Variants in CLEC2A observed in about 807,000 individuals in gnomAD.
CLEC2A encodes the protein keratinocyte-associated C-type lectin.
A neutral mutation model predicts 18.6 loss-of-function variants in CLEC2A; 19 were observed. The observed-to-expected ratio is 1.02, with a 90% confidence interval of 0.71 to 1.50. The LOEUF (loss-of-function observed/expected upper bound fraction) is 1.50. Among genes scored for constraint, CLEC2A ranks in the 40% most tolerant of loss-of-function variants. The pLI is 0.00. For synonymous variants in CLEC2A, 74 were observed against 64.0 expected (o/e 1.16, Z -0.75); for missense variants, 190 against 207.9 (o/e 0.91, Z 0.53).
intron 3 of CLEC2A, among the ~76,000 whole-genome samples, 179 bp downstream of exon 3, chr12:9,921,887 G>T (rs561349879): frequency 6.6e-6 from 1 of 152,204 alleles, no homozygotes; most frequent in Admixed American, 6.5e-5. Context: ...GAAGAGGAGG[G>T]TTTGCTCTTG....
intron 4 of CLEC2A, among the ~76,000 whole-genome samples, chr12:9,905,504 A>G (rs1862894295): frequency 6.6e-6 from 1 of 152,212 alleles, no homozygotes; most frequent in Non-Finnish European, 1.5e-5. Context: ...TGGAGTGTAA[A>G]TAAGGCAACC....
intron 1 of CLEC2A, among the ~76,000 whole-genome samples, chr12:9,930,117 C>T (rs532211542): frequency 1.3e-4 from 20 of 152,206 alleles, no homozygotes; most frequent in African/African-American, 4.8e-4. Flanking sequence ...CCTTGTGAGG[C>T]CTGTAAGGAA....
chr12:9,895,982 T>C, downstream of CLEC2A: 1 of 697,256 alleles, frequency 1.4e-6, no homozygotes, highest in East Asian at 3.3e-5. Context: ...GAATTGACTA[T>C]AAAGACAACT....
Position 9,913,394 on chromosome 12 carries a change from G to T in CLEC2A, c.*172C>A. 1 of 1,198,884 alleles carries T rather than the reference G, an allele frequency of 8.3e-7. No individual in the cohort carries two copies. The highest frequency in any genetic ancestry group is 1.1e-6 in the Non-Finnish European group (1 of 900,992). The allele number at this position is 1,198,884 out of a possible 1,614,324, so 74.3% of individuals were successfully genotyped here. A position where few individuals can be genotyped will look rare whatever the true frequency, so the allele number is the denominator to read the frequency against. ...ATAAAAGGCTCCAGAGAACGGCCTT[G>T]TCTCTTTAACCATGGCAGGGCACAG... On this transcript the variant is annotated 3_prime_UTR_variant, in exon 5 of 5. Transcript: ENST00000455827.
intron 4 of CLEC2A, among the ~76,000 whole-genome samples, chr12:9,904,027 G>A (rs539086590): frequency 5.1e-4 from 77 of 152,304 alleles, no homozygotes; most frequent in Admixed American, 4.6e-4. Flanking sequence ...GCAATGGTCC[G>A]TCACAATACT....
chr12:9,882,375 T>A, the CLEC2A span, among the ~76,000 whole-genome samples: 1 of 152,230 alleles, frequency 6.6e-6, no homozygotes, highest in Non-Finnish European at 1.5e-5. Context: ...CTTTTGTTAT[T>A]ATCTGAAGAC....
At chr12:9,898,818 G>C in exon 5 of CLEC2A, 2 of 661,244 alleles carry the variant, frequency 3.0e-6, no homozygotes, top group Admixed American at 4.3e-5. Context: ...GTTATATTAA[G>C]GATAAGGATG....
chr12:9,927,828 A>C (rs114269620), intron 1 of CLEC2A, among the ~76,000 whole-genome samples: 1,713 of 152,244 alleles, frequency 0.011, 43 homozygotes, highest in African/African-American at 0.039. Flanking sequence ...GAAAACATAA[A>C]ATGTGTTTTT....
intron 4 of CLEC2A, among the ~76,000 whole-genome samples, chr12:9,900,358 GAATTT>G (rs1329691489): frequency 6.6e-6 from 1 of 152,036 alleles, no homozygotes; most frequent in Non-Finnish European, 1.5e-5. Context: ...AGTGATCTTA[GAATTT>G]AATAACAAAT....
chr12:9,883,293 A>G, the CLEC2A span, among the ~76,000 whole-genome samples: 4 of 152,208 alleles, frequency 2.6e-5, no homozygotes, highest in Non-Finnish European at 4.4e-5. Flanking sequence ...AAATAATACA[A>G]TTAGTGTTCT....
At chr12:9,893,523 A>G in the CLEC2A span, 3 of 1,480,108 alleles carry the variant, frequency 2.0e-6, no homozygotes, top group Non-Finnish European at 2.7e-6. Flanking sequence ...ATAGATGAAC[A>G]CTTTTTAGTT....
chr12:9,907,054 C>T (rs774548691), intron 4 of CLEC2A, among the ~76,000 whole-genome samples: 1 of 152,194 alleles, frequency 6.6e-6, no homozygotes, highest in African/African-American at 2.4e-5. Flanking sequence ...CAAAGGTTAA[C>T]TTCCTGCTTT....
downstream of CLEC2A, chr12:9,895,617 C>T: frequency 7.3e-7 from 1 of 1,376,678 alleles, no homozygotes; most frequent in Non-Finnish European, 9.5e-7. Context: ...AAAAGTTTGG[C>T]TGGAGAAAAC....
At chr12:9,883,446 T>A in the CLEC2A span, among the ~76,000 whole-genome samples, 1 of 152,340 alleles carries the variant, frequency 6.6e-6, no homozygotes, top group Admixed American at 6.5e-5. Flanking sequence ...TGGCTTGATA[T>A]AGTATGTAAA....
chr12:9,919,624 C>T (rs1418747507), intron 3 of CLEC2A, among the ~76,000 whole-genome samples: 1 of 152,224 alleles, frequency 6.6e-6, no homozygotes, highest in Non-Finnish European at 1.5e-5. Context: ...AGGCCCAGGC[C>T]TGGAGGACCC....
At chr12:9,884,342 T>A in the CLEC2A span, among the ~76,000 whole-genome samples, 21,248 of 151,892 alleles carry the variant, frequency 0.14, 2,459 homozygotes, top group East Asian at 0.34. Context: ...AACTGACTCC[T>A]GTCTAAAGAG....
At chr12:9,881,046 C>G in the CLEC2A span, among the ~76,000 whole-genome samples, 1 of 152,180 alleles carries the variant, frequency 6.6e-6, no homozygotes, top group African/African-American at 2.4e-5. Context: ...GCAAGTGATT[C>G]CGATTTTCAC....
chr12:9,894,249 G>A (rs969957840), downstream of CLEC2A, among the ~76,000 whole-genome samples: 3 of 149,456 alleles, frequency 2.0e-5, no homozygotes, highest in East Asian at 2.0e-4. Context: ...TGGCATGATC[G>A]TGGCTTACTG....
intron 3 of CLEC2A, among the ~76,000 whole-genome samples, 154 bp downstream of exon 3, chr12:9,921,912 G>A (rs1382685849): frequency 1.3e-5 from 2 of 152,154 alleles, no homozygotes; most frequent in African/African-American, 4.8e-5. Context: ...CTCAAGGGTG[G>A]CAGAGGAAAA....
Sources: gnomAD v4.1 joint callset for allele counts (sites outside exome capture counted in the v4.1 genomes callset) on GRCh38, gnomAD v4.1.1 for gene constraint, MANE v1.5 for transcripts, NCBI Gene and HGNC (gene_info 2026-07-23, HGNC 2026-07-21) for gene names.